The following TBX4 variants were observed in gnomAD, a reference collection of about 807,000 sequenced individuals.
TBX4 encodes the protein T-box transcription factor 4.
TBX4 carries 13 observed loss-of-function variants against 54.6 expected under a neutral mutation model. The ratio of observed to expected loss-of-function variants is 0.24; its 90% CI spans 0.15 to 0.38. TBX4 has a LOEUF of 0.38. Among genes scored for constraint, TBX4 ranks in the 10% least tolerant of loss-of-function variants. The probability of loss-of-function intolerance (pLI) is 1.00; values close to 1 mark genes in which losing one functional copy is unlikely to be tolerated. For synonymous variants in TBX4, 314 were observed against 306.7 expected, an observed-to-expected ratio of 1.02 and a Z score of -0.25; for missense variants, 631 against 728.5, an observed-to-expected ratio of 0.87 and a Z score of 1.54.
intron 1 of TBX4, among the ~76,000 whole-genome samples, chr17:61,453,685 T>A (rs1463635194): frequency 6.6e-6 from 1 of 152,232 alleles, no homozygotes; most frequent in African/African-American, 2.4e-5. Flanking sequence ...ATGTGATGAG[T>A]AACTAGCGAG....
chr17:61,457,480 G>T lies in TBX4; in HGVS notation c.187-57G>T. On this transcript the variant is annotated intron_variant, in intron 2 of 8. Coordinates refer to ENST00000644296, the MANE Select transcript of TBX4 (RefSeq NM_001321120.2). This position sits in a 1 kb window ranked among gnomAD's most constrained non-coding sequence, Gnocchi z 8.2. Reference sequence around the variant, plus strand: ...TCGGGTCTGGTTCTTCTTTCCTCAGGCTCCGCGTGGAGCCCTGGGCCTGGC... The same window carrying T: ...TCGGGTCTGGTTCTTCTTTCCTCAGTCTCCGCGTGGAGCCCTGGGCCTGGC... The T allele has an allele frequency of 6.5e-7, 1 of 1,539,814 alleles. No individual in the cohort carries two copies. Among genetic ancestry groups the T allele is most frequent in the South Asian group, 1.1e-5 (1 of 89,574 alleles).
In TBX4 at chr17:61,473,883, A is replaced by G. The variant is rs556124901; in HGVS notation, c.550-4744A>G. ...CAGCTGTTACTGCTGTTGCTGTGGCAGAAGGCAGGAAGGTTTGGAGGCCCC... is the reference window on the plus strand; with the variant it reads ...CAGCTGTTACTGCTGTTGCTGTGGCGGAAGGCAGGAAGGTTTGGAGGCCCC... On this transcript the variant is annotated intron_variant, in intron 5 of 8. Coordinates refer to ENST00000644296, the MANE Select transcript of TBX4 (RefSeq NM_001321120.2). Among the ~76,000 whole-genome samples the G allele has an allele frequency of 3.3e-5, 5 of 152,356 alleles. No homozygotes were observed. In the South Asian group the frequency reaches 1.0e-3, roughly 32 times the overall value.
At position 61,457,527 on chromosome 17, in the gene TBX4, C is replaced by G. The variant is rs754449433; in HGVS notation, c.187-10C>G. On this transcript the variant is annotated splice_polypyrimidine_tract_variant and intron_variant, in intron 2 of 8. Transcript: ENST00000644296. This position sits in a 1 kb window ranked among gnomAD's most constrained non-coding sequence, Gnocchi z 8.2. ...TGGCAGACACAAGTTTCTCTCCCTC[C>G]CATCCCCAGACCATCGAGAACATCA... 2.5e-5 allele frequency: 41 copies of G among 1,613,222 alleles called. No individual in the cohort carries two copies. The highest frequency in any genetic ancestry group is 3.4e-5 in the Non-Finnish European group (40 of 1,179,396).
chr17:61,469,849 C>A (rs1276300694), intron 5 of TBX4, among the ~76,000 whole-genome samples: 1 of 152,164 alleles, frequency 6.6e-6, no homozygotes, highest in Non-Finnish European at 1.5e-5. Context: ...AAGGAGTCAC[C>A]CTTCTTGGCT....
rs2060641621 is a variant in TBX4 at position 61,478,866 on chromosome 17, C to T, written c.702+87C>T. 1 of 1,606,582 alleles carries T rather than the reference C, an allele frequency of 6.2e-7. No individual in the cohort carries two copies. The highest frequency in any genetic ancestry group is 1.7e-5 in the Admixed American group (1 of 59,954). The stretch of plus-strand genomic sequence containing the variant: ...CAGGCAGAGAGGCAGAGTGTGAAGC[C>T]AGAGTCCCAGCAGGGCTTGGGCAGG... On this transcript the variant is annotated intron_variant, in intron 6 of 8. Coordinates refer to ENST00000644296, the MANE Select transcript of TBX4 (RefSeq NM_001321120.2). The surrounding 1 kb of genome is among the most constrained non-coding windows in gnomAD (Gnocchi z 7.4).
rs991236769 is a variant in TBX4 at position 61,460,581 on chromosome 17, C to T, written c.281+2950C>T. On this transcript the variant is annotated intron_variant, in intron 3 of 8. Transcript: ENST00000644296. The surrounding 1 kb of genome is among the most constrained non-coding windows in gnomAD (Gnocchi z 4.4). ...ATGGGGGCCACAGCCCTCCGCAGCCCGTCTCAGTCTCTTGGGTCTCTGTGT... is the reference window on the plus strand; with the variant it reads ...ATGGGGGCCACAGCCCTCCGCAGCCTGTCTCAGTCTCTTGGGTCTCTGTGT... Among the ~76,000 whole-genome samples the T allele has an allele frequency of 4.6e-5, 7 of 152,114 alleles. No homozygotes were observed. The highest frequency in any genetic ancestry group is 1.9e-4 in the East Asian group (1 of 5,192).
chr17:61,469,945 CCCTGA>C (rs1314544698), intron 5 of TBX4, among the ~76,000 whole-genome samples: 1 of 152,206 alleles, frequency 6.6e-6, no homozygotes, highest in Non-Finnish European at 1.5e-5. Flanking sequence ...TTTCAGCTTG[CCCTGA>C]AAGCTTCCAG....
Position 61,456,654 on chromosome 17 carries a change from T to TCGCCGC in TBX4, c.174_179dup (p.Ala59_Ala60dup). On this transcript the variant is annotated inframe_insertion, in exon 2 of 9. Coordinates refer to ENST00000644296, the MANE Select transcript of TBX4 (RefSeq NM_001321120.2). ...CCCCCGGGACCCGGGGCCGACGTCGTCGCCGCCGCCGCCGCGGAGCAGGTA... is the reference window on the plus strand; with the variant it reads ...CCCCCGGGACCCGGGGCCGACGTCGTCGCCGCCGCCGCCGCCGCCGCGGAGCAGGTA... 5.9e-6 allele frequency: 8 copies of TCGCCGC among 1,351,954 alleles called. No homozygotes were observed. The highest frequency in any genetic ancestry group is 6.7e-6 in the Non-Finnish European group (7 of 1,049,714). The allele number at this position is 1,351,954 out of a possible 1,614,324, so 83.7% of individuals were successfully genotyped here.
Position 61,456,630 on chromosome 17 carries a change from C to T in TBX4, c.140C>T (p.Pro47Leu). 7.3e-7 allele frequency: 1 copy of T among 1,363,482 alleles called. No individual in the cohort carries two copies. Among genetic ancestry groups the T allele is most frequent in the Non-Finnish European group, 9.5e-7 (1 of 1,058,090 alleles). The allele number at this position is 1,363,482 out of a possible 1,614,324, so 84.5% of individuals were successfully genotyped here. A position where few individuals can be genotyped will look rare whatever the true frequency, so the allele number is the denominator to read the frequency against. ...PGLSGAALGS[P>L]PGPGADVVAA... ...CTCAGCGGAGCCGCGCTAGGCAGCCCCCCGGGACCCGGGGCCGACGTCGTC... is the reference window on the plus strand; with the variant it reads ...CTCAGCGGAGCCGCGCTAGGCAGCCTCCCGGGACCCGGGGCCGACGTCGTC... The change falls in exon 2 of 9, where the codon CCC becomes CTC. Residue 47 changes from proline (P) to leucine (L), a missense_variant. Pro to Leu is a moderately conservative substitution (Grantham distance 98). Transcript: ENST00000644296.
chr17:61,482,156 T>C (rs528138440), intron 8 of TBX4, among the ~76,000 whole-genome samples: 1 of 152,308 alleles, frequency 6.6e-6, no homozygotes, highest in South Asian at 2.1e-4. Flanking sequence ...GTCATGCCAC[T>C]CCAGATACTT....
In TBX4 at chr17:61,479,248, C is replaced by T. The variant is rs2060645461; in HGVS notation, c.702+469C>T. Among the ~76,000 whole-genome samples the T allele has an allele frequency of 6.6e-6, 1 of 152,138 alleles. No individual in the cohort carries two copies. The highest frequency in any genetic ancestry group is 1.5e-5 in the Non-Finnish European group (1 of 68,024). On this transcript the variant is annotated intron_variant, in intron 6 of 8. Coordinates refer to ENST00000644296, the MANE Select transcript of TBX4 (RefSeq NM_001321120.2). The surrounding 1 kb of genome is among the most constrained non-coding windows in gnomAD (Gnocchi z 6.1). ...CTGTGATAGGAGGTGCCCCAGCCAC[C>T]TCCCACACTCACTACTGCCCTCCCC...
At position 61,459,724 on chromosome 17, in the gene TBX4, T is replaced by G. The variant is rs1569033700; in HGVS notation, c.281+2093T>G. Among the ~76,000 whole-genome samples the G allele has an allele frequency of 2.0e-5, 3 of 152,170 alleles. No individual in the cohort carries two copies. Among genetic ancestry groups the G allele is most frequent in the African/African-American group, 4.8e-5 (2 of 41,438 alleles). The stretch of plus-strand genomic sequence containing the variant: ...GGACCTTAGGGAATTATGATAATAT[T>G]TCTAAAATGGCTGTGATGATGTTGG... On this transcript the variant is annotated intron_variant, in intron 3 of 8. Coordinates refer to ENST00000644296, the MANE Select transcript of TBX4 (RefSeq NM_001321120.2). This position sits in a 1 kb window ranked among gnomAD's most constrained non-coding sequence, Gnocchi z 4.8.
rs1016589416 is a variant in TBX4, at chr17:61,480,512, GTTCTCATCTCTCATGCTGC to G, written c.1021+194_1021+212del. On this transcript the variant is annotated intron_variant, in intron 8 of 8. Transcript: ENST00000644296. The surrounding 1 kb of genome is among the most constrained non-coding windows in gnomAD (Gnocchi z 6.2). ...CATCTTTTCCAGTGCAGGGATGCTG[GTTCTCATCTCTCATGCTGC>G]CTTTGGAACCCTCACAGACAGCTTG... Among the ~76,000 whole-genome samples the G allele has an allele frequency of 6.6e-6, 1 of 152,148 alleles. No homozygotes were observed. The highest frequency in any genetic ancestry group is 1.5e-5 in the Non-Finnish European group (1 of 68,024).
intron 4 of TBX4, 42 bp from the exon 5 acceptor site, chr17:61,467,468 G>A: frequency 6.2e-7 from 1 of 1,613,960 alleles, no homozygotes; most frequent in Non-Finnish European, 8.5e-7. Context: ...GGCCTCACCA[G>A]CCCCTGGAGT....
In TBX4 at chr17:61,483,038, C is replaced by G. The variant is rs1401573771; in HGVS notation, c.1163C>G (p.Thr388Ser). ...MLSPSYCSEV[T>S]PREACMYSGS... ...AGCCCCTCCTACTGCAGTGAGGTGA[C>G]CCCCAGAGAAGCATGTATGTACTCA... Residue 388 changes from threonine to serine, a missense_variant, in exon 9 of 9, where the codon ACC (threonine) becomes AGC (serine). By Grantham distance (58) the Thr-to-Ser change is moderately conservative (BLOSUM62 1). This residue lies in a region of TBX4 where 354 missense variants were observed against 368.9 expected (regional missense o/e 0.96). Transcript: ENST00000644296. The surrounding 1 kb of genome is among the most constrained non-coding windows in gnomAD (Gnocchi z 6.6). 2 of 1,613,956 alleles carry G rather than the reference C, an allele frequency of 1.2e-6. No individual in the cohort carries two copies. Among genetic ancestry groups the G allele is most frequent in the Admixed American group, 3.3e-5 (2 of 60,002 alleles).
chr17:61,454,845 GC>G (rs1257886449), intron 1 of TBX4, among the ~76,000 whole-genome samples: 1 of 152,234 alleles, frequency 6.6e-6, no homozygotes, highest in African/African-American at 2.4e-5. Context: ...GCGCGAGACG[GC>G]CCCTCCTTGC....
rs1297745755 is a variant in TBX4, at chr17:61,476,079, G to A, written c.550-2548G>A. Among the ~76,000 whole-genome samples, 1 of 152,208 alleles carries A rather than the reference G, an allele frequency of 6.6e-6. No individual in the cohort carries two copies. Among genetic ancestry groups the A allele is most frequent in the Non-Finnish European group, 1.5e-5 (1 of 68,042 alleles). On this transcript the variant is annotated intron_variant, in intron 5 of 8. Transcript: ENST00000644296. The surrounding 1 kb of genome is among the most constrained non-coding windows in gnomAD (Gnocchi z 6.5). ...CCCGACCTTGCACTCACTAGATCCT[G>A]TCTGGGGGCAAAGGAGCCTGGAGGT...
chr17:61,465,311 C>G lies in TBX4; in HGVS notation c.282-508C>G, dbSNP rs2060526893. Among the ~76,000 whole-genome samples the G allele has an allele frequency of 1.3e-5, 2 of 152,218 alleles. No individual in the cohort carries two copies. Among genetic ancestry groups the G allele is most frequent in the African/African-American group, 4.8e-5 (2 of 41,452 alleles). ...CTGGTTTTAGGCCTAAGGATTTCCA[C>G]AGAGGCATGACCCAGAGGAGGCAGC... On this transcript the variant is annotated intron_variant, in intron 3 of 8. Transcript: ENST00000644296. This position sits in a 1 kb window ranked among gnomAD's most constrained non-coding sequence, Gnocchi z 4.9.
rs1025909707 is a variant in TBX4, at chr17:61,479,434, C to T, written c.703-447C>T. Among the ~76,000 whole-genome samples, 12 of 152,336 alleles carry T rather than the reference C, an allele frequency of 7.9e-5. No homozygotes were observed. Among genetic ancestry groups the T allele is most frequent in the African/African-American group, 2.2e-4 (9 of 41,566 alleles). On this transcript the variant is annotated intron_variant, in intron 6 of 8. Transcript: ENST00000644296. This position sits in a 1 kb window ranked among gnomAD's most constrained non-coding sequence, Gnocchi z 6.1. ...AGGCAGAAGAGTGACAGAGTCGGAA[C>T]TGCATCTAGAACGGTCACTCAGAGC... is the stretch of plus-strand genomic sequence containing the variant.
Sources: gnomAD v4.1 joint callset for allele counts (sites outside exome capture counted in the v4.1 genomes callset) on GRCh38, gnomAD v4.1.1 for gene constraint, gnomAD v4.1.1 regional missense constraint, Gnocchi (gnomAD v3.1) non-coding constraint, MANE v1.5 for transcripts, NCBI Gene and HGNC (gene_info 2026-07-23, HGNC 2026-07-21) for gene names.